Variants in RHOBTB1 observed in about 807,000 individuals in gnomAD.
RHOBTB1 encodes the protein Rho related BTB domain containing 1.
In RHOBTB1, 40 loss-of-function variants were observed where a neutral mutation model predicts 71.6. The observed-to-expected ratio is 0.56, with a 90% CI of 0.43 to 0.73. RHOBTB1 has a LOEUF of 0.73. Ranked by LOEUF, RHOBTB1 falls within the 30% of genes least tolerant of loss-of-function variation. RHOBTB1 has a pLI of 0.00. For synonymous variants in RHOBTB1, 319 were observed against 334.9 expected (o/e 0.95, Z 0.52); for missense variants, 797 against 894.0 (o/e 0.89, Z 1.38).
intron 2 of RHOBTB1, among the ~76,000 whole-genome samples, chr10:60,962,830 C>T (rs1050381948): frequency 2.6e-5 from 4 of 152,144 alleles, no homozygotes; most frequent in African/African-American, 9.7e-5. Context: ...GTTTCCTAAG[C>T]ATAACCTGTA....
At chr10:60,995,555 C>T (rs1359987127) in intron 1 of RHOBTB1, among the ~76,000 whole-genome samples, 2 of 151,878 alleles carry the variant, frequency 1.3e-5, no homozygotes, top group African/African-American at 4.8e-5. Context: ...TAAATATTGG[C>T]CAAAAAAGAT....
At chr10:60,887,654 G>A (rs546614720) in intron 6 of RHOBTB1, among the ~76,000 whole-genome samples, 2 of 152,342 alleles carry the variant, frequency 1.3e-5, no homozygotes, top group South Asian at 4.1e-4. Flanking sequence ...AGAGGGGATG[G>A]AAACAGATGA....
At chr10:60,959,897 A>G (rs2085721001) in intron 2 of RHOBTB1, among the ~76,000 whole-genome samples, 1 of 152,188 alleles carries the variant, frequency 6.6e-6, no homozygotes, top group Non-Finnish European at 1.5e-5. Flanking sequence ...AATTATGTAA[A>G]TGGAGCACTT....
chr10:60,998,940 C>A (rs1297097756), intron 1 of RHOBTB1, among the ~76,000 whole-genome samples: 1 of 152,204 alleles, frequency 6.6e-6, no homozygotes, highest in Admixed American at 6.5e-5. Context: ...CATCCTTGGG[C>A]ATGAAAGCTT....
intron 5 of RHOBTB1, 45 bp from the exon 6 acceptor site, chr10:60,889,230 A>G (rs1236783610): frequency 1.3e-6 from 2 of 1,534,822 alleles, no homozygotes; most frequent in Non-Finnish European, 8.7e-7. Context: ...TTGTTTTAGG[A>G]AAAAAACAGT....
chr10:60,913,493 C>T (rs2083099388), intron 2 of RHOBTB1, among the ~76,000 whole-genome samples: 1 of 152,180 alleles, frequency 6.6e-6, no homozygotes, highest in Non-Finnish European at 1.5e-5. Flanking sequence ...CAGTTTTAAA[C>T]TTCTATGGTT....
At chr10:60,885,635 G>T (rs2081533289) in intron 7 of RHOBTB1, among the ~76,000 whole-genome samples, 1 of 152,218 alleles carries the variant, frequency 6.6e-6, no homozygotes, top group African/African-American at 2.4e-5. Flanking sequence ...TTGAGGCACA[G>T]GAATGCGGCT....
intron 2 of RHOBTB1, among the ~76,000 whole-genome samples, chr10:60,974,186 A>G (rs2086247235): frequency 6.6e-6 from 1 of 152,098 alleles, no homozygotes; most frequent in African/African-American, 2.4e-5. Flanking sequence ...GCAGTTTCAA[A>G]TACATATATT....
chr10:60,962,852 C>A, intron 2 of RHOBTB1, among the ~76,000 whole-genome samples: 1 of 152,134 alleles, frequency 6.6e-6, no homozygotes, highest in East Asian at 1.9e-4. Flanking sequence ...ACTGACAATA[C>A]TGTGATTTTA....
intron 1 of RHOBTB1, among the ~76,000 whole-genome samples, chr10:60,999,541 G>A (rs949911834): frequency 8.5e-5 from 13 of 152,190 alleles, no homozygotes; most frequent in Non-Finnish European, 1.9e-4. Flanking sequence ...ATTATCTGCA[G>A]GATATTAAAA....
intron 4 of RHOBTB1, among the ~76,000 whole-genome samples, chr10:60,908,654 C>T (rs2082804435): frequency 6.6e-6 from 1 of 152,210 alleles, no homozygotes; most frequent in Non-Finnish European, 1.5e-5. Context: ...TCCTACTTCT[C>T]TCAGTTTTTT....
rs577331868 is a variant in RHOBTB1 at position 60,994,175 on chromosome 10, C to T, written c.-163+7224G>A. On this transcript the variant is annotated intron_variant, in intron 1 of 11. Transcript: ENST00000357917. ...ATATTTGTTGAGTATCTGTGAAATG[C>T]CTGGCACTATAATAGATCCTGGGAA... Among the ~76,000 whole-genome samples the T allele has an allele frequency of 2.0e-5, 3 of 152,174 alleles. No homozygotes were observed. The South Asian group carries it at 6.2e-4, about 32-fold the overall frequency.
intron 2 of RHOBTB1, among the ~76,000 whole-genome samples, chr10:60,928,264 C>G (rs1164713866): frequency 6.6e-6 from 1 of 151,942 alleles, no homozygotes; most frequent in Non-Finnish European, 1.5e-5. Context: ...TATGGATGTT[C>G]CTCAAAAACT....
upstream of RHOBTB1, among the ~76,000 whole-genome samples, chr10:60,946,110 G>A (rs911477785): frequency 3.3e-5 from 5 of 151,916 alleles, no homozygotes; most frequent in African/African-American, 9.7e-5. Context: ...CCTGGGAGGC[G>A]GAGGTTGCAG....
At chr10:60,938,093 A>G (rs773168313) in intron 2 of RHOBTB1, among the ~76,000 whole-genome samples, 3 of 152,236 alleles carry the variant, frequency 2.0e-5, no homozygotes, top group Non-Finnish European at 1.5e-5. Context: ...GGAAGGGTTT[A>G]TGTAACAAAG....
chr10:60,903,523 A>C (rs1428958413), intron 4 of RHOBTB1, among the ~76,000 whole-genome samples: 1 of 152,216 alleles, frequency 6.6e-6, no homozygotes, highest in African/African-American at 2.4e-5. Flanking sequence ...CAGCTACAAA[A>C]GACAAAATTG....
chr10:60,874,657 AAAG>A (rs1476290166), intron 9 of RHOBTB1, among the ~76,000 whole-genome samples: 11 of 152,232 alleles, frequency 7.2e-5, no homozygotes, highest in Admixed American at 3.3e-4. Flanking sequence ...CCAAGAATTC[AAAG>A]AAGGAGGAGA....
chr10:60,975,835 T>G (rs1216227069), intron 2 of RHOBTB1, among the ~76,000 whole-genome samples: 1 of 152,074 alleles, frequency 6.6e-6, no homozygotes, highest in African/African-American at 2.4e-5. Flanking sequence ...GTTCTGAGAT[T>G]ACAAAACTGA....
intron 7 of RHOBTB1, among the ~76,000 whole-genome samples, chr10:60,882,095 C>T (rs1043523099): frequency 6.6e-6 from 1 of 151,500 alleles, no homozygotes; most frequent in Non-Finnish European, 1.5e-5. Context: ...TGCATGACAA[C>T]AGAAAGACCT....
Sources: gnomAD v4.1 joint callset for allele counts (sites outside exome capture counted in the v4.1 genomes callset) on GRCh38, gnomAD v4.1.1 for gene constraint, MANE v1.5 for transcripts, NCBI Gene and HGNC (gene_info 2026-07-23, HGNC 2026-07-21) for gene names.